The following BAHD1 variants were observed in gnomAD, a reference collection of about 807,000 sequenced individuals.
BAHD1 encodes bromo adjacent homology domain-containing 1 protein.
BAHD1 carries 20 observed loss-of-function variants against 63.1 expected under a neutral mutation model. The observed-to-expected ratio is 0.32, with a 90% CI of 0.22 to 0.46. BAHD1 has a LOEUF of 0.46. BAHD1 is among the 20% of genes least tolerant of loss of function. The probability of loss-of-function intolerance (pLI) is 1.00; values close to 1 mark genes in which losing one functional copy is unlikely to be tolerated. For missense variants in BAHD1, 939 were observed against 1,071.8 expected (o/e 0.88, Z 1.73); for synonymous variants, 408 against 426.8 (o/e 0.96, Z 0.54).
intron 3 of BAHD1, among the ~76,000 whole-genome samples, chr15:40,463,114 C>T (rs1237428517): frequency 1.3e-5 from 2 of 152,066 alleles, no homozygotes; most frequent in African/African-American, 2.4e-5. Context: ...CCAACCTGGT[C>T]GACATAGCAA....
rs1427064217 is a variant in BAHD1 at position 40,462,446 on chromosome 15, C to G, written c.1815+152C>G. On this transcript the variant is annotated intron_variant, in intron 3 of 6. Coordinates refer to ENST00000416165, the MANE Select transcript of BAHD1 (RefSeq NM_014952.5). ...ACTTGTACCCCAGGAACCAGTCATGCTGGCCCACCCAGCTTGCTTCCCTAG... is the reference window on the plus strand; with the variant it reads ...ACTTGTACCCCAGGAACCAGTCATGGTGGCCCACCCAGCTTGCTTCCCTAG... The G allele has an allele frequency of 6.9e-6, 8 of 1,152,330 alleles. No homozygotes were observed. The East Asian group carries it at 1.2e-4, about 18-fold the overall frequency. 71.4% of individuals were successfully genotyped at this position (1,152,330 alleles called of 1,614,324 possible). A position where few individuals can be genotyped will look rare whatever the true frequency, so the allele number is the denominator to read the frequency against.
At chr15:40,465,670 T>C (rs943091305) in intron 6 of BAHD1, among the ~76,000 whole-genome samples, 4 of 152,186 alleles carry the variant, frequency 2.6e-5, no homozygotes, top group Admixed American at 2.6e-4. Flanking sequence ...GGAGCAGAGT[T>C]GGGGGGTAAC....
In BAHD1 at chr15:40,458,636, C is replaced by T. The variant is rs747501429; in HGVS notation, c.172C>T (p.Arg58Cys). The change falls in exon 2 of 7, where the codon CGT becomes TGT. Residue 58 changes from arginine to cysteine, a missense_variant. By Grantham distance (180) the Arg-to-Cys change is radical. Coordinates refer to ENST00000416165, the MANE Select transcript of BAHD1 (RefSeq NM_014952.5). The surrounding 1 kb of genome is among the most constrained non-coding windows in gnomAD (Gnocchi z 4.7). ...LTGRRKNYPL[R>C]KRPLVPEKPK... is the part of the protein sequence containing the mutation. ...AGGGCGCCGCAAGAATTACCCACTT[C>T]GTAAGCGCCCATTGGTTCCTGAGAA... 18 of 1,613,762 alleles carry T rather than the reference C, an allele frequency of 1.1e-5. No homozygotes were observed. Among genetic ancestry groups the T allele is most frequent in the East Asian group, 2.2e-5 (1 of 44,878 alleles).
intron 1 of BAHD1, among the ~76,000 whole-genome samples, chr15:40,443,091 C>G (rs1026911051): frequency 5.4e-4 from 82 of 152,242 alleles, no homozygotes; most frequent in African/African-American, 2.0e-3. Flanking sequence ...CAGGGAAACT[C>G]AGGCTGTTTC....
chr15:40,449,533 C>T (rs1309085484), intron 1 of BAHD1, among the ~76,000 whole-genome samples: 1 of 151,842 alleles, frequency 6.6e-6, no homozygotes, highest in East Asian at 1.9e-4. Context: ...GGCATGGTGA[C>T]TCATGCCTGT....
upstream of BAHD1, among the ~76,000 whole-genome samples, chr15:40,440,316 G>C (rs1470096567): frequency 2.6e-5 from 4 of 152,176 alleles, no homozygotes; most frequent in African/African-American, 9.7e-5. Flanking sequence ...AAGTCGGAAA[G>C]ATGAGGCAAG....
upstream of BAHD1, chr15:40,439,861 T>TGCCC (rs1893352664): frequency 6.6e-6 from 1 of 152,292 alleles, no homozygotes; most frequent in Non-Finnish European, 1.5e-5. Flanking sequence ...TAGCCTGCTG[T>TGCCC]GCCCACCCAC....
Position 40,442,471 on chromosome 15 carries a change from T to G in BAHD1, c.-15+1203T>G, listed in dbSNP as rs534135378. Among the ~76,000 whole-genome samples the G allele has an allele frequency of 1.2e-3, 180 of 152,230 alleles. 1 individual carries two copies. Among genetic ancestry groups the G allele is most frequent in the Non-Finnish European group, 2.0e-3 (138 of 67,996 alleles). The stretch of plus-strand genomic sequence containing the variant: ...TGGCTGGTGGCGACGGGGTTGCTAC[T>G]CACCGAGGCGACAGACCCAGTGAGC... On this transcript the variant is annotated intron_variant, in intron 1 of 6. Transcript: ENST00000416165.
chr15:40,467,830 G>A lies in BAHD1; in HGVS notation c.*1700G>A, dbSNP rs1362264256. ...TAAATGAGGTTGGCAGAGTGGCAGT[G>A]GGGGCTCTGCAGAGCCAGCCTTGGA... On this transcript the variant is annotated 3_prime_UTR_variant, in exon 7 of 7. Transcript: ENST00000416165. The A allele has an allele frequency of 6.6e-6, 1 of 152,662 alleles. No individual in the cohort carries two copies. The highest frequency in any genetic ancestry group is 2.1e-4 in the South Asian group (1 of 4,838). 9.5% of individuals were successfully genotyped at this position (152,662 alleles called of 1,614,324 possible). A position where few individuals can be genotyped will look rare whatever the true frequency, so the allele number is the denominator to read the frequency against.
intron 5 of BAHD1, 102 bp from the exon 6 acceptor site, chr15:40,465,233 A>G: frequency 1.0e-6 from 1 of 996,702 alleles, no homozygotes; most frequent in South Asian, 1.4e-5. Flanking sequence ...TGCTGGAGTC[A>G]TCTCAGGTCA....
At chr15:40,464,151 C>A in intron 4 of BAHD1, 131 bp downstream of exon 4, 1 of 1,143,528 alleles carries the variant, frequency 8.7e-7, no homozygotes, top group Non-Finnish European at 1.2e-6. Flanking sequence ...GTCTGCCTTC[C>A]ACTCGGCTGG....
intron 1 of BAHD1, among the ~76,000 whole-genome samples, chr15:40,443,066 T>A (rs1364364804): frequency 6.6e-6 from 1 of 152,046 alleles, no homozygotes; most frequent in African/African-American, 2.4e-5. Flanking sequence ...AAAAGAAGAG[T>A]TGGGATCATA....
intron 1 of BAHD1, chr15:40,453,836 G>T (rs1456881686): frequency 6.7e-6 from 1 of 149,414 alleles, no homozygotes; most frequent in African/African-American, 2.5e-5. Context: ...ACCTGGGCAT[G>T]GTGTCACGCG....
intron 1 of BAHD1, among the ~76,000 whole-genome samples, chr15:40,447,269 T>C (rs1410889518): frequency 6.6e-6 from 1 of 152,048 alleles, no homozygotes; most frequent in African/African-American, 2.4e-5. Flanking sequence ...TAAAAAAGAA[T>C]TATAAAAATG....
chr15:40,450,260 G>C (rs192017460), intron 1 of BAHD1, among the ~76,000 whole-genome samples: 1 of 152,216 alleles, frequency 6.6e-6, no homozygotes, highest in African/African-American at 2.4e-5. Flanking sequence ...AGTGGAGTGT[G>C]GGGGAGGCCT....
At position 40,441,166 on chromosome 15, in the gene BAHD1, G is replaced by A. The variant is rs1595842923; in HGVS notation, c.-117G>A. ...GAGGAGGCGCTGACGCAGCAGCGTG[G>A]AGCCCGGGAATTGAGCGCCCCCGGG... On this transcript the variant is annotated 5_prime_UTR_variant, in exon 1 of 7. Coordinates refer to ENST00000416165, the MANE Select transcript of BAHD1 (RefSeq NM_014952.5). The A allele has an allele frequency of 6.6e-6, 1 of 150,934 alleles. No individual in the cohort carries two copies. The highest frequency in any genetic ancestry group is 1.9e-4 in the East Asian group (1 of 5,156). 9.3% of individuals were successfully genotyped at this position (150,934 alleles called of 1,614,324 possible). A position where few individuals can be genotyped will look rare whatever the true frequency, so the allele number is the denominator to read the frequency against.
intron 1 of BAHD1, among the ~76,000 whole-genome samples, chr15:40,442,580 C>T (rs1030386649): frequency 6.6e-6 from 1 of 152,122 alleles, no homozygotes; most frequent in Non-Finnish European, 1.5e-5. Flanking sequence ...CCTGGGACAT[C>T]TCCTAGTCGC....
intron 1 of BAHD1, among the ~76,000 whole-genome samples, chr15:40,454,808 TAA>T (rs1382938569): frequency 6.6e-6 from 1 of 151,936 alleles, no homozygotes; most frequent in Non-Finnish European, 1.5e-5. Context: ...GGATAGTGCG[TAA>T]TTGGGAGGGG....
chr15:40,448,406 G>C (rs1228522440), intron 1 of BAHD1, among the ~76,000 whole-genome samples: 1 of 152,242 alleles, frequency 6.6e-6, no homozygotes, highest in Non-Finnish European at 1.5e-5. Flanking sequence ...AAAACTGAAC[G>C]TGCAAGTTAT....
Sources: allele counts gnomAD v4.1 joint callset (sites outside exome capture counted in the v4.1 genomes callset), GRCh38; gene constraint gnomAD v4.1.1; non-coding constraint Gnocchi (gnomAD v3.1); transcripts MANE v1.5; gene names NCBI Gene and HGNC (gene_info 2026-07-23, HGNC 2026-07-21).